The following PLXDC2 variants were observed in gnomAD, a reference collection of about 807,000 sequenced individuals.
PLXDC2 encodes the protein plexin domain containing 2, also known as plexin domain-containing protein 2.
PLXDC2 carries 40 observed loss-of-function variants against 68.9 expected under a neutral mutation model. The ratio of observed to expected loss-of-function variants is 0.58; its 90% CI spans 0.45 to 0.76. The LOEUF is 0.76. Ranked by LOEUF, PLXDC2 falls within the 30% of genes least tolerant of loss-of-function variation. The probability of loss-of-function intolerance (pLI) is 0.00; values close to 1 mark genes in which losing one functional copy is unlikely to be tolerated. For synonymous variants in PLXDC2, 243 were observed against 234.2 expected, an observed-to-expected ratio of 1.04 and a Z score of -0.34; for missense variants, 644 against 661.9, an observed-to-expected ratio of 0.97 and a Z score of 0.30.
intron 1 of PLXDC2, among the ~76,000 whole-genome samples, chr10:19,886,145 G>T (rs1156978176): frequency 6.6e-6 from 1 of 151,974 alleles, no homozygotes; most frequent in Non-Finnish European, 1.5e-5. Context: ...TCATGATTTG[G>T]CTCTCTGTGT....
At chr10:20,147,925 C>A (rs1033773247) in intron 6 of PLXDC2, 23 bp downstream of exon 6, 18 of 1,502,442 alleles carry the variant, frequency 1.2e-5, no homozygotes, top group African/African-American at 1.4e-5. Flanking sequence ...TTGATAATTT[C>A]TTTCCCTTCC....
At chr10:19,852,907 C>G (rs10508594) in intron 1 of PLXDC2, among the ~76,000 whole-genome samples, 7,065 of 152,272 alleles carry the variant, frequency 0.046, 548 homozygotes, top group African/African-American at 0.16. Context: ...CTAACTCAAT[C>G]ATGTTCTTAG....
At chr10:20,210,277 A>T (rs1474085990) in intron 9 of PLXDC2, among the ~76,000 whole-genome samples, 1 of 152,186 alleles carries the variant, frequency 6.6e-6, no homozygotes, top group African/African-American at 2.4e-5. Context: ...TTATAAGAAT[A>T]TAGTATAATA....
intron 4 of PLXDC2, among the ~76,000 whole-genome samples, chr10:20,132,478 A>G (rs1833880196): frequency 6.6e-6 from 1 of 152,116 alleles, no homozygotes; most frequent in African/African-American, 2.4e-5. Flanking sequence ...GTATTGGTGA[A>G]CTATTTCTCC....
chr10:19,920,808 T>G (rs765916506), intron 1 of PLXDC2, among the ~76,000 whole-genome samples: 2 of 152,240 alleles, frequency 1.3e-5, no homozygotes, highest in Non-Finnish European at 2.9e-5. Flanking sequence ...CCTGCTGGCC[T>G]AATCCTCCCT....
chr10:19,916,131 G>GTTTTTT (rs1413590141), intron 1 of PLXDC2, among the ~76,000 whole-genome samples: 1 of 124,550 alleles, frequency 8.0e-6, no homozygotes, highest in Admixed American at 7.6e-5. Context: ...GTTGTGTTTT[G>GTTTTTT]TTTTGTTTTT....
intron 6 of PLXDC2, among the ~76,000 whole-genome samples, chr10:20,154,804 T>C (rs1467603296): frequency 6.6e-6 from 1 of 151,896 alleles, no homozygotes; most frequent in Non-Finnish European, 1.5e-5. Flanking sequence ...TTCACTAGCT[T>C]ATGTGAGGAA....
chr10:20,129,553 ATATGTG>A, intron 4 of PLXDC2, among the ~76,000 whole-genome samples: 1 of 151,406 alleles, frequency 6.6e-6, no homozygotes, highest in South Asian at 2.1e-4. Flanking sequence ...ATACACATAT[ATATGTG>A]TATATATATA....
intron 9 of PLXDC2, among the ~76,000 whole-genome samples, chr10:20,182,762 G>C (rs1834624446): frequency 6.6e-6 from 1 of 151,656 alleles, no homozygotes; most frequent in East Asian, 1.9e-4. Context: ...ATGTGCCATG[G>C]TGGTTTGCTG....
intron 10 of PLXDC2, among the ~76,000 whole-genome samples, chr10:20,215,836 A>G (rs1428452031): frequency 1.3e-5 from 2 of 152,172 alleles, no homozygotes; most frequent in African/African-American, 2.4e-5. Context: ...TGGAAGGTGA[A>G]CCCAAGGAGT....
chr10:20,147,227 T>C (rs1834092413), intron 5 of PLXDC2, among the ~76,000 whole-genome samples: 1 of 152,160 alleles, frequency 6.6e-6, no homozygotes, highest in South Asian at 2.1e-4. Flanking sequence ...TTTGAGCTTC[T>C]TACAGCTTCC....
chr10:20,148,862 T>C (rs191808188), intron 6 of PLXDC2, among the ~76,000 whole-genome samples: 1 of 152,342 alleles, frequency 6.6e-6, no homozygotes, highest in East Asian at 1.9e-4. Flanking sequence ...TGGTCAAATC[T>C]TCTGAAATCC....
chr10:19,842,027 G>A (rs975161905), intron 1 of PLXDC2, among the ~76,000 whole-genome samples: 13 of 152,010 alleles, frequency 8.6e-5, no homozygotes, highest in South Asian at 4.1e-4. Flanking sequence ...TATAATACTA[G>A]CATTTAGGGA....
chr10:20,059,574 G>A (rs756240003), intron 3 of PLXDC2, among the ~76,000 whole-genome samples: 4 of 152,200 alleles, frequency 2.6e-5, no homozygotes, highest in African/African-American at 9.7e-5. Context: ...GAAGAGGTTA[G>A]AACTTCTAAC....
At chr10:19,881,709 C>G (rs543265501) in intron 1 of PLXDC2, among the ~76,000 whole-genome samples, 2 of 152,280 alleles carry the variant, frequency 1.3e-5, no homozygotes, top group South Asian at 4.1e-4. Context: ...TCAATAATGA[C>G]AGTACTAAAT....
At position 20,288,816 on chromosome 10, in the gene PLXDC2, A is replaced by G. The variant is rs1836193069; in HGVS notation, c.*8997A>G. ...AATAGTTTGATAAGAAATTTAGTGT[A>G]TTGACTGCCTCAGTGACACAATTTA... On this transcript the variant is annotated 3_prime_UTR_variant, in exon 14 of 14. Transcript: ENST00000377252. 1.3e-5 allele frequency: 2 copies of G among 152,124 alleles called. No homozygotes were observed. The highest frequency in any genetic ancestry group is 4.1e-4 in the South Asian group (2 of 4,826). 9.4% of individuals were successfully genotyped at this position (152,124 alleles called of 1,614,324 possible). A position where few individuals can be genotyped will look rare whatever the true frequency, so the allele number is the denominator to read the frequency against.
At chr10:19,953,695 A>G (rs1029834611) in intron 1 of PLXDC2, among the ~76,000 whole-genome samples, 4 of 152,204 alleles carry the variant, frequency 2.6e-5, no homozygotes, top group Non-Finnish European at 1.5e-5. Context: ...CCAATCTTCT[A>G]TCTTTCTTGA....
chr10:19,907,924 C>T (rs1833196247), intron 1 of PLXDC2, among the ~76,000 whole-genome samples: 1 of 152,152 alleles, frequency 6.6e-6, no homozygotes, highest in African/African-American at 2.4e-5. Context: ...AGTTTTCAGA[C>T]CCTCACTGGT....
intron 1 of PLXDC2, among the ~76,000 whole-genome samples, chr10:19,845,110 C>T (rs968917186): frequency 1.1e-4 from 17 of 152,094 alleles, no homozygotes; most frequent in African/African-American, 3.6e-4. Context: ...AGTTGCCCAC[C>T]CCCAACCTGT....
Sources: allele counts gnomAD v4.1 joint callset (sites outside exome capture counted in the v4.1 genomes callset), GRCh38; gene constraint gnomAD v4.1.1; transcripts MANE v1.5; gene names NCBI Gene and HGNC (gene_info 2026-07-23, HGNC 2026-07-21).